The following KHDRBS3 variants were observed in gnomAD, a reference collection of about 807,000 sequenced individuals.
KHDRBS3 encodes KH RNA binding domain containing, signal transduction associated 3, also known as KH domain-containing, RNA-binding, signal transduction-associated protein 3.
In KHDRBS3, 23 loss-of-function variants were observed where a neutral mutation model predicts 45.6. That is an observed-to-expected ratio of 0.50 (90% confidence interval 0.36 to 0.72). The LOEUF is 0.72. KHDRBS3 is among the 30% of genes least tolerant of loss of function. The pLI is 0.00. For missense variants in KHDRBS3, 352 were observed against 424.8 expected (o/e 0.83, Z 1.51); for synonymous variants, 162 against 156.5 (o/e 1.04, Z -0.26).
At chr8:135,520,796 G>A (rs904315126) in intron 1 of KHDRBS3, among the ~76,000 whole-genome samples, 2 of 152,202 alleles carry the variant, frequency 1.3e-5, no homozygotes, top group South Asian at 4.1e-4. Context: ...AGGTTGTCTA[G>A]GGTGTTTAAT....
At chr8:135,640,394 T>C (rs1269081867) in intron 7 of KHDRBS3, among the ~76,000 whole-genome samples, 2 of 152,172 alleles carry the variant, frequency 1.3e-5, no homozygotes, top group Non-Finnish European at 2.9e-5. Flanking sequence ...GAAGGTCGAC[T>C]TCATCCCACT....
intron 3 of KHDRBS3, among the ~76,000 whole-genome samples, chr8:135,545,180 C>T (rs780273418): frequency 3.3e-5 from 5 of 152,050 alleles, no homozygotes; most frequent in South Asian, 2.1e-4. Context: ...AGTTACTGTA[C>T]GCAAGCAGCC....
chr8:135,554,189 A>C (rs1475827860), intron 4 of KHDRBS3, among the ~76,000 whole-genome samples: 5 of 152,274 alleles, frequency 3.3e-5, no homozygotes, highest in Non-Finnish European at 7.4e-5. Flanking sequence ...TTCAAAGATG[A>C]TATCTTAAAT....
At chr8:135,559,552 G>A (rs947925018) in intron 5 of KHDRBS3, among the ~76,000 whole-genome samples, 1 of 151,840 alleles carries the variant, frequency 6.6e-6, no homozygotes, top group Non-Finnish European at 1.5e-5. Context: ...TAATAGAGAC[G>A]GGGTTTCACC....
chr8:135,544,584 A>G (rs1826197506), intron 3 of KHDRBS3, among the ~76,000 whole-genome samples: 1 of 152,124 alleles, frequency 6.6e-6, no homozygotes, highest in Admixed American at 6.5e-5. Flanking sequence ...CACCGTGGCC[A>G]TTTTGCTGAT....
At chr8:135,498,317 T>G (rs1319235382) in intron 1 of KHDRBS3, among the ~76,000 whole-genome samples, 1 of 151,092 alleles carries the variant, frequency 6.6e-6, no homozygotes, top group African/African-American at 2.4e-5. Context: ...GCATTACTTC[T>G]CACGAAGCAA....
At chr8:135,538,778 G>A (rs1289828061) in intron 2 of KHDRBS3, 9 of 152,108 alleles carry the variant, frequency 5.9e-5, no homozygotes, top group Non-Finnish European at 1.0e-4. Context: ...TGGGACTAAT[G>A]GCAAAGAAGA....
At chr8:135,565,304 G>A (rs1827360917) in intron 5 of KHDRBS3, among the ~76,000 whole-genome samples, 1 of 152,168 alleles carries the variant, frequency 6.6e-6, no homozygotes, top group Admixed American at 6.5e-5. Flanking sequence ...AGGGAAGGAA[G>A]AAGAAGTGGG....
chr8:135,607,067 A>C, intron 7 of KHDRBS3, 30 bp downstream of exon 7: 1 of 1,516,770 alleles, frequency 6.6e-7, no homozygotes, highest in East Asian at 2.3e-5. Flanking sequence ...ACCAGACCCC[A>C]CAACAGAAAC....
At chr8:135,616,329 G>GA (rs1473699215) in intron 7 of KHDRBS3, among the ~76,000 whole-genome samples, 1 of 152,084 alleles carries the variant, frequency 6.6e-6, no homozygotes, top group Non-Finnish European at 1.5e-5. Flanking sequence ...TAGTAAGGGG[G>GA]AAAAAAATTA....
chr8:135,547,110 T>G (rs1826346042), intron 3 of KHDRBS3, among the ~76,000 whole-genome samples: 1 of 152,144 alleles, frequency 6.6e-6, no homozygotes, highest in Non-Finnish European at 1.5e-5. Context: ...ATGAGAGAGA[T>G]TCAGATCAGA....
chr8:135,563,476 C>A (rs1827261555), intron 5 of KHDRBS3, among the ~76,000 whole-genome samples: 1 of 152,214 alleles, frequency 6.6e-6, no homozygotes, highest in African/African-American at 2.4e-5. Context: ...TGGCTCAGAA[C>A]CCCCTGTCCT....
intron 7 of KHDRBS3, among the ~76,000 whole-genome samples, chr8:135,643,857 G>A (rs1029054103): frequency 6.6e-6 from 1 of 152,210 alleles, no homozygotes; most frequent in Non-Finnish European, 1.5e-5. Flanking sequence ...GAGGCCGGGG[G>A]TGATGTGGGA....
In KHDRBS3 at chr8:135,559,381, G is replaced by A. The variant is rs184505656; in HGVS notation, c.611+1794G>A. 6.0e-4 allele frequency among the ~76,000 whole-genome samples: 92 copies of A among 152,196 alleles called. No individual in the cohort carries two copies. In the East Asian group the frequency reaches 0.015, roughly 25 times the overall value. ...ATTTATTTATTTTTTGAGATGGAGT[G>A]TTGCCCTGTCACCCGGGCTGGAGTG... On this transcript the variant is annotated intron_variant, in intron 5 of 8. Transcript: ENST00000355849.
At chr8:135,610,142 C>A (rs1213597594) in intron 7 of KHDRBS3, among the ~76,000 whole-genome samples, 1 of 151,890 alleles carries the variant, frequency 6.6e-6, no homozygotes, top group Non-Finnish European at 1.5e-5. Context: ...CTATTAAATG[C>A]TGTGATCTGT....
chr8:135,550,593 C>G (rs1009704589), intron 4 of KHDRBS3, among the ~76,000 whole-genome samples: 2 of 152,102 alleles, frequency 1.3e-5, no homozygotes, highest in African/African-American at 2.4e-5. Flanking sequence ...TATGCCTACT[C>G]TTAATGCCAG....
At chr8:135,556,577 G>A (rs1826898452) in intron 4 of KHDRBS3, among the ~76,000 whole-genome samples, 1 of 152,168 alleles carries the variant, frequency 6.6e-6, no homozygotes, top group Non-Finnish European at 1.5e-5. Context: ...TTTTGATGGG[G>A]TTGTTTGCTT....
At chr8:135,626,965 A>G (rs1242904629) in intron 7 of KHDRBS3, among the ~76,000 whole-genome samples, 2 of 152,182 alleles carry the variant, frequency 1.3e-5, no homozygotes, top group African/African-American at 4.8e-5. Flanking sequence ...ACTTTGTAGT[A>G]GGAAGGAGTA....
chr8:135,469,274 G>C (rs1015400084), intron 1 of KHDRBS3, among the ~76,000 whole-genome samples: 4 of 152,260 alleles, frequency 2.6e-5, no homozygotes, highest in African/African-American at 9.6e-5. Context: ...AGAAGAGTAT[G>C]CCATTAGGAA....
Sources: allele counts gnomAD v4.1 joint callset (sites outside exome capture counted in the v4.1 genomes callset), GRCh38; gene constraint gnomAD v4.1.1; transcripts MANE v1.5; gene names NCBI Gene and HGNC (gene_info 2026-07-23, HGNC 2026-07-21).